The following DGCR2 variants were observed in gnomAD, a reference collection of about 807,000 sequenced individuals.
DGCR2 encodes the protein DiGeorge syndrome critical region gene 2, also known as integral membrane protein DGCR2/IDD.
Under a neutral mutation model 51.6 loss-of-function variants are expected in DGCR2, and 24 were observed. That is an observed-to-expected ratio of 0.47 (90% CI 0.34 to 0.65). The LOEUF is 0.65. Ranked by LOEUF, DGCR2 falls within the 30% of genes least tolerant of loss-of-function variation. The pLI is 0.01. For synonymous variants in DGCR2, 340 were observed against 315.4 expected (o/e 1.08, Z -0.82); for missense variants, 765 against 772.1 (o/e 0.99, Z 0.11).
chr22:19,096,357 G>A (rs1374867178), intron 1 of DGCR2, among the ~76,000 whole-genome samples: 1 of 152,152 alleles, frequency 6.6e-6, no homozygotes, highest in Non-Finnish European at 1.5e-5. Context: ...AAAGGCAGAG[G>A]TGAGAAAAAG....
intron 2 of DGCR2, among the ~76,000 whole-genome samples, chr22:19,074,191 C>T (rs1468455171): frequency 2.0e-5 from 3 of 152,040 alleles, no homozygotes; most frequent in Admixed American, 2.0e-4. Context: ...TTTGGGAGAC[C>T]GAGGCAGGCG....
At position 19,039,111 on chromosome 22, in the gene DGCR2, A is replaced by C; in HGVS notation, c.1407T>G (p.Ala469=). The change falls in exon 10 of 10, where the codon GCT becomes GCG. Residue 469 remains alanine, a synonymous_variant. Coordinates refer to ENST00000263196, the MANE Select transcript of DGCR2 (RefSeq NM_005137.3). The part of the protein sequence containing the change: ...SVFYDPADDD[A]FEPVEVSLPA... ...GCAGGCTGACCTCCACAGGCTCAAAAGCATCATCGTCTGCAGGAAGAGACA... is the reference window on the plus strand; with the variant it reads ...GCAGGCTGACCTCCACAGGCTCAAACGCATCATCGTCTGCAGGAAGAGACA... 6.2e-7 allele frequency: 1 copy of C among 1,613,068 alleles called. No individual in the cohort carries two copies. Among genetic ancestry groups the C allele is most frequent in the Non-Finnish European group, 8.5e-7 (1 of 1,179,960 alleles).
intron 1 of DGCR2, among the ~76,000 whole-genome samples, chr22:19,094,476 T>C (rs2083116585): frequency 6.6e-6 from 1 of 152,172 alleles, no homozygotes; most frequent in Admixed American, 6.5e-5. Context: ...CTTACTAGAA[T>C]GGCTAAAATG....
intron 1 of DGCR2, among the ~76,000 whole-genome samples, chr22:19,110,522 C>T (rs758233924): frequency 2.0e-5 from 3 of 152,024 alleles, no homozygotes; most frequent in African/African-American, 7.3e-5. Context: ...GGGCTTAAAA[C>T]CTAGATGACA....
intron 6 of DGCR2, among the ~76,000 whole-genome samples, chr22:19,052,521 A>G (rs1329439360): frequency 6.6e-6 from 1 of 152,134 alleles, no homozygotes. Context: ...TGTAATAGCC[A>G]AAGACTGGAA....
intron 8 of DGCR2, chr22:19,041,599 G>A (rs535267826): frequency 2.0e-5 from 13 of 640,882 alleles, no homozygotes; most frequent in South Asian, 6.0e-5. Flanking sequence ...AGAGGCCTCC[G>A]AGTTCTGCCC....
In DGCR2 at chr22:19,041,539, G is replaced by A; in HGVS notation, c.1160-245C>T. ...GACACTTCTGTCAGACCCAGCCTCTGGCTGACCACACCCCTCCAGCTGGAA... is the reference window on the plus strand; with the variant it reads ...GACACTTCTGTCAGACCCAGCCTCTAGCTGACCACACCCCTCCAGCTGGAA... On this transcript the variant is annotated intron_variant, in intron 8 of 9. Transcript: ENST00000263196. 3 of 607,398 alleles carry A rather than the reference G, an allele frequency of 4.9e-6. No individual in the cohort carries two copies. In the South Asian group the frequency reaches 6.1e-5, roughly 12 times the overall value. The allele number at this position is 607,398 out of a possible 1,614,324, so 37.6% of individuals were successfully genotyped here.
intron 5 of DGCR2, among the ~76,000 whole-genome samples, chr22:19,058,184 T>G (rs1412839059): frequency 6.6e-6 from 1 of 152,166 alleles, no homozygotes; most frequent in African/African-American, 2.4e-5. Flanking sequence ...GAGGCAGGCC[T>G]ATGCTGTGGG....
intron 1 of DGCR2, among the ~76,000 whole-genome samples, chr22:19,099,388 T>TG (rs961397264): frequency 6.6e-5 from 10 of 151,840 alleles, no homozygotes; most frequent in African/African-American, 2.4e-4. Context: ...GAGACCAGCC[T>TG]GGCCAACATG....
intron 7 of DGCR2, among the ~76,000 whole-genome samples, chr22:19,044,688 G>C (rs906322516): frequency 9.9e-5 from 15 of 152,206 alleles, no homozygotes; most frequent in African/African-American, 3.1e-4. Context: ...TTTCGAGCAG[G>C]GGTGGTACCC....
intron 6 of DGCR2, among the ~76,000 whole-genome samples, chr22:19,053,415 C>A (rs1294318296): frequency 1.3e-5 from 2 of 152,128 alleles, no homozygotes; most frequent in African/African-American, 2.4e-5. Flanking sequence ...TTAAGAAAAA[C>A]CCTCTGGCAA....
At chr22:19,045,844 A>G (rs1348541324) in intron 7 of DGCR2, among the ~76,000 whole-genome samples, 1 of 152,120 alleles carries the variant, frequency 6.6e-6, no homozygotes, top group Non-Finnish European at 1.5e-5. Context: ...CTCCTGCCTC[A>G]GCCTCCTGAG....
chr22:19,113,667 C>T (rs1419404875), intron 1 of DGCR2, among the ~76,000 whole-genome samples: 1 of 152,156 alleles, frequency 6.6e-6, no homozygotes, highest in African/African-American at 2.4e-5. Context: ...GCGACACGCT[C>T]CCATCCTGAA....
At chr22:19,089,597 T>C (rs2083056497) in intron 1 of DGCR2, 107 bp from the exon 2 acceptor site, 45 of 1,261,972 alleles carry the variant, frequency 3.6e-5, no homozygotes, top group Non-Finnish European at 4.4e-5. Context: ...TGTTTGTTTT[T>C]GAGACAGAGT....
intron 1 of DGCR2, among the ~76,000 whole-genome samples, chr22:19,097,356 C>T (rs1216377395): frequency 6.6e-6 from 1 of 152,094 alleles, no homozygotes; most frequent in Non-Finnish European, 1.5e-5. Flanking sequence ...GAGTTCAAGA[C>T]CAGCCTGGCC....
intron 5 of DGCR2, among the ~76,000 whole-genome samples, chr22:19,060,413 C>T (rs1232329568): frequency 1.3e-5 from 2 of 152,206 alleles, no homozygotes; most frequent in Non-Finnish European, 2.9e-5. Flanking sequence ...TGACCTCAGC[C>T]AACCTGCAAT....
At chr22:19,090,644 AAGAG>A (rs2083067964) in intron 1 of DGCR2, among the ~76,000 whole-genome samples, 1 of 152,238 alleles carries the variant, frequency 6.6e-6, no homozygotes, top group African/African-American at 2.4e-5. Context: ...CAAAGGTGGG[AAGAG>A]AGAAACAGAA....
chr22:19,056,314 CAAA>C (rs879529643), intron 6 of DGCR2: 4 of 187,462 alleles, frequency 2.1e-5, no homozygotes, highest in South Asian at 1.1e-4. Context: ...GACTCTGTCC[CAAA>C]AAAAAAAAGA....
chr22:19,063,196 G>A lies in DGCR2; in HGVS notation c.625+6C>T, dbSNP rs767531383. 113 of 1,613,776 alleles carry A rather than the reference G, an allele frequency of 7.0e-5. 1 individual carries two copies. In the South Asian group the frequency reaches 9.6e-4, roughly 14 times the overall value. ...TCAAACACTCCCACACACCAGAAGGGCTCACCTTTGAATGCCACCTCCCAG... is the reference window on the plus strand; with the variant it reads ...TCAAACACTCCCACACACCAGAAGGACTCACCTTTGAATGCCACCTCCCAG... On this transcript the variant is annotated splice_donor_region_variant and intron_variant, in intron 5 of 9. Coordinates refer to ENST00000263196, the MANE Select transcript of DGCR2 (RefSeq NM_005137.3).
Sources: allele counts gnomAD v4.1 joint callset (sites outside exome capture counted in the v4.1 genomes callset), GRCh38; gene constraint gnomAD v4.1.1; transcripts MANE v1.5; gene names NCBI Gene and HGNC (gene_info 2026-07-23, HGNC 2026-07-21).